Variants in GLI3 observed in about 807,000 individuals in gnomAD.
GLI3 encodes GLI family zinc finger 3.
Under a neutral mutation model 100.8 loss-of-function variants are expected in GLI3, and 20 were observed. That is an observed-to-expected ratio of 0.20 (90% CI 0.14 to 0.29). GLI3 has a LOEUF of 0.29. GLI3 is among the 10% of genes least tolerant of loss of function. The pLI, the probability that GLI3 is intolerant of heterozygous loss-of-function variation, is 1.00. For synonymous variants in GLI3, 938 were observed against 860.5 expected, an observed-to-expected ratio of 1.09 and a Z score of -1.58; for missense variants, 2,040 against 2,128.5, an observed-to-expected ratio of 0.96 and a Z score of 0.82.
At chr7:42,209,770 T>C (rs2128696487) in intron 2 of GLI3, among the ~76,000 whole-genome samples, 1 of 151,660 alleles carries the variant, frequency 6.6e-6, no homozygotes, top group Middle Eastern at 3.5e-3. Context: ...TCATGTTGTA[T>C]ATGAGAAAGA....
intron 2 of GLI3, among the ~76,000 whole-genome samples, chr7:42,216,029 T>C (rs1402018929): frequency 6.6e-6 from 1 of 152,224 alleles, no homozygotes; most frequent in African/African-American, 2.4e-5. Context: ...TTACTATTAC[T>C]ATCAATAGCT....
At chr7:42,045,330 A>G in intron 6 of GLI3, 54 bp downstream of exon 6, 1 of 1,517,846 alleles carries the variant, frequency 6.6e-7, no homozygotes, top group East Asian at 2.3e-5. Context: ...TCTCTGTTTC[A>G]TAAAGTTGCC....
intron 1 of GLI3, among the ~76,000 whole-genome samples, chr7:42,257,414 G>A (rs1789096342): frequency 6.8e-6 from 1 of 147,204 alleles, no homozygotes. Context: ...GGAGTGCAGT[G>A]GCTCACTGCA....
intron 2 of GLI3, among the ~76,000 whole-genome samples, chr7:42,202,104 G>A (rs1180870557): frequency 1.3e-5 from 2 of 148,302 alleles, no homozygotes; most frequent in East Asian, 2.0e-4. Context: ...AAAAAAATAC[G>A]GTATTATAAT....
At chr7:42,018,934 C>G (rs1325325613) in intron 10 of GLI3, among the ~76,000 whole-genome samples, 1 of 152,172 alleles carries the variant, frequency 6.6e-6, no homozygotes, top group Non-Finnish European at 1.5e-5. Flanking sequence ...AGACAACATC[C>G]CCCAGTGCGA....
intron 2 of GLI3, among the ~76,000 whole-genome samples, chr7:42,166,602 C>A (rs1319858145): frequency 6.9e-6 from 1 of 144,178 alleles, no homozygotes; most frequent in Non-Finnish European, 1.5e-5. Flanking sequence ...GAGAAGGGGG[C>A]AGAGGGAAGT....
At chr7:42,233,362 G>A (rs993453954) in intron 1 of GLI3, among the ~76,000 whole-genome samples, 11 of 152,204 alleles carry the variant, frequency 7.2e-5, no homozygotes, top group African/African-American at 2.4e-4. Flanking sequence ...AACTGTGAGA[G>A]TCTACAGTGA....
rs1238813513 is a variant in GLI3 at position 42,213,416 on chromosome 7, T to C, written c.124+9714A>G. On this transcript the variant is annotated intron_variant, in intron 2 of 14. Transcript: ENST00000395925. The stretch of plus-strand genomic sequence containing the variant: ...TCCATGGTTGTTTTCTCCCCCTCCC[T>C]ATTTGTAATAGCAGTCTAATTGAGT... Among the ~76,000 whole-genome samples the C allele has an allele frequency of 2.0e-5, 3 of 152,330 alleles. No homozygotes were observed. The East Asian group carries it at 5.8e-4, about 29-fold the overall frequency.
intron 10 of GLI3, among the ~76,000 whole-genome samples, chr7:42,013,119 G>T (rs896073550): frequency 1.3e-5 from 2 of 152,168 alleles, no homozygotes; most frequent in Non-Finnish European, 2.9e-5. Context: ...TTGTTTTCCT[G>T]ATTAGAAAGA....
At chr7:42,193,258 CT>C (rs1787863620) in intron 2 of GLI3, among the ~76,000 whole-genome samples, 2 of 152,120 alleles carry the variant, frequency 1.3e-5, no homozygotes, top group Admixed American at 1.3e-4. Context: ...ACCCTCTTGC[CT>C]TTTTGTTTTT....
intron 2 of GLI3, among the ~76,000 whole-genome samples, chr7:42,150,762 A>G (rs578024208): frequency 1.7e-4 from 26 of 152,354 alleles, no homozygotes; most frequent in Admixed American, 1.5e-3. Flanking sequence ...CGGCATCCCT[A>G]TAATAAACCC....
At chr7:42,116,487 GAAAAAAA>G (rs1166291083) in intron 3 of GLI3, among the ~76,000 whole-genome samples, 1 of 92,216 alleles carries the variant, frequency 1.1e-5, no homozygotes, top group East Asian at 3.8e-4. Flanking sequence ...TCTGCAAAAA[GAAAAAAA>G]AAAAAAAAAG....
chr7:42,132,480 A>G (rs1026814737), intron 3 of GLI3, among the ~76,000 whole-genome samples: 1 of 152,224 alleles, frequency 6.6e-6, no homozygotes, highest in East Asian at 1.9e-4. Context: ...ATGTTAAATT[A>G]TAAAGAGAGC....
chr7:42,223,233 G>A lies in GLI3; in HGVS notation c.21C>T (p.Ser7=), dbSNP rs770954230. The part of the protein sequence containing the change: MEAQSH[S]STTTEKKKVE... The stretch of plus-strand genomic sequence containing the variant: ...CTTTTTTCTTTTCAGTGGTCGTGGA[G>A]CTGTGGGACTGGGCCTCCATGATGT... Residue 7 remains serine, a synonymous_variant, in exon 2 of 15, where the codon AGC becomes AGT. Coordinates refer to ENST00000395925, the MANE Select transcript of GLI3 (RefSeq NM_000168.6). 6.2e-7 allele frequency: 1 copy of A among 1,613,360 alleles called. No homozygotes were observed.
At chr7:42,199,064 C>T (rs778684066) in intron 2 of GLI3, among the ~76,000 whole-genome samples, 8 of 151,054 alleles carry the variant, frequency 5.3e-5, no homozygotes, top group East Asian at 1.9e-4. Context: ...CAGTTAACAA[C>T]GAGAAACAAA....
At chr7:42,138,019 T>A (rs1786471058) in intron 3 of GLI3, among the ~76,000 whole-genome samples, 1 of 152,204 alleles carries the variant, frequency 6.6e-6, no homozygotes, top group Non-Finnish European at 1.5e-5. Context: ...ATCTTCTTGT[T>A]AAGGCTCTGC....
chr7:42,131,123 A>G (rs1186694989), intron 3 of GLI3, among the ~76,000 whole-genome samples: 1 of 152,214 alleles, frequency 6.6e-6, no homozygotes, highest in Non-Finnish European at 1.5e-5. Context: ...GATGTATTCC[A>G]ATAAAATAAA....
chr7:42,055,058 C>CGT (rs1562706153), intron 4 of GLI3, among the ~76,000 whole-genome samples: 1 of 108,878 alleles, frequency 9.2e-6, no homozygotes, highest in African/African-American at 3.9e-5. Flanking sequence ...TATACACACA[C>CGT]ATATATGTAT....
In GLI3 at chr7:42,211,653, T is replaced by C. The variant is rs142918965; in HGVS notation, c.124+11477A>G. On this transcript the variant is annotated intron_variant, in intron 2 of 14. Coordinates refer to ENST00000395925, the MANE Select transcript of GLI3 (RefSeq NM_000168.6). ...AGGTAAGGGTCTCAGATTATTTTTC[T>C]TATCATTGCCACTAAAACAAAAAAT... Among the ~76,000 whole-genome samples, 158 of 152,332 alleles carry C rather than the reference T, an allele frequency of 1.0e-3. 3 individuals are homozygous for C. In the East Asian group the frequency reaches 0.024, roughly 23 times the overall value.
Sources: allele counts gnomAD v4.1 joint callset (sites outside exome capture counted in the v4.1 genomes callset), GRCh38; gene constraint gnomAD v4.1.1; transcripts MANE v1.5; gene names NCBI Gene and HGNC (gene_info 2026-07-23, HGNC 2026-07-21).